The following RTN1 variants were observed in gnomAD, a reference collection of about 807,000 sequenced individuals.
The protein encoded by RTN1 is reticulon 1, also known as reticulon-1.
RTN1 carries 25 observed loss-of-function variants against 65.5 expected under a neutral mutation model. That is an observed-to-expected ratio of 0.38 (90% CI 0.28 to 0.53). The LOEUF (loss-of-function observed/expected upper bound fraction) is 0.53, where lower values mean the gene tolerates loss of function less well. RTN1 is among the 20% of genes least tolerant of loss of function. The pLI, the probability that RTN1 is intolerant of heterozygous loss-of-function variation, is 0.79. For synonymous variants in RTN1, 471 were observed against 447.6 expected, an observed-to-expected ratio of 1.05 and a Z score of -0.66; for missense variants, 983 against 1,025.4, an observed-to-expected ratio of 0.96 and a Z score of 0.57.
At chr14:59,603,388 T>A (rs1166453564) in intron 6 of RTN1, 130 bp from the exon 7 acceptor site, 1 of 685,028 alleles carries the variant, frequency 1.5e-6, no homozygotes, top group Admixed American at 3.3e-5. Context: ...TTTTATTTTT[T>A]ATTCCCTATT....
intron 1 of RTN1, among the ~76,000 whole-genome samples, chr14:59,853,104 T>G (rs1395627165): frequency 1.3e-5 from 2 of 152,180 alleles, no homozygotes. Context: ...GAAAGTTATT[T>G]CATTTCCCCA....
At chr14:59,746,602 G>A (rs1885233219) in intron 1 of RTN1, 121 bp from the exon 2 acceptor site, 2 of 793,972 alleles carry the variant, frequency 2.5e-6, no homozygotes, top group African/African-American at 3.4e-5. Flanking sequence ...TAAGCCCTCG[G>A]AGTTCCCTCG....
intron 1 of RTN1, among the ~76,000 whole-genome samples, chr14:59,795,345 T>C (rs1409402972): frequency 6.6e-6 from 1 of 152,200 alleles, no homozygotes; most frequent in African/African-American, 2.4e-5. Context: ...ACTAGATTAA[T>C]GTTAAATACT....
At chr14:59,689,092 T>G (rs1883904090) in intron 3 of RTN1, among the ~76,000 whole-genome samples, 1 of 151,988 alleles carries the variant, frequency 6.6e-6, no homozygotes, top group Middle Eastern at 3.2e-3. Context: ...CCAGGAAATG[T>G]AGGAAGAGAT....
chr14:59,651,335 T>C (rs538736811), intron 3 of RTN1, among the ~76,000 whole-genome samples: 27 of 152,288 alleles, frequency 1.8e-4, no homozygotes, highest in Non-Finnish European at 3.2e-4. Flanking sequence ...GCTAGCCATA[T>C]GCAGAAAACT....
intron 1 of RTN1, among the ~76,000 whole-genome samples, chr14:59,797,218 C>T (rs1957983): frequency 0.38 from 57,180 of 151,992 alleles, 11,215 homozygotes; most frequent in East Asian, 0.48. Flanking sequence ...ATCTTCGTCA[C>T]CACCACTGTA....
At chr14:59,729,975 G>A (rs1306287263) in intron 2 of RTN1, among the ~76,000 whole-genome samples, 1 of 152,190 alleles carries the variant, frequency 6.6e-6, no homozygotes, top group Admixed American at 6.5e-5. Flanking sequence ...CAAGAACGCT[G>A]TTCCTTCCTC....
At chr14:59,709,412 C>G (rs1204019854) in intron 3 of RTN1, among the ~76,000 whole-genome samples, 1 of 152,088 alleles carries the variant, frequency 6.6e-6, no homozygotes, top group East Asian at 1.9e-4. Context: ...AAGGGACAAC[C>G]TTACCTTGTC....
At chr14:59,616,342 A>G (rs1320650881) in intron 3 of RTN1, among the ~76,000 whole-genome samples, 1 of 152,170 alleles carries the variant, frequency 6.6e-6, no homozygotes, top group Non-Finnish European at 1.5e-5. Context: ...CTGCCTTAAA[A>G]TATTTTTATC....
intron 1 of RTN1, among the ~76,000 whole-genome samples, chr14:59,852,824 G>A (rs1403938559): frequency 6.6e-6 from 1 of 152,178 alleles, no homozygotes; most frequent in African/African-American, 2.4e-5. Flanking sequence ...TTTATGGAAT[G>A]CAGATCTTTT....
At chr14:59,647,577 G>T (rs377272300) in intron 3 of RTN1, among the ~76,000 whole-genome samples, 2 of 152,088 alleles carry the variant, frequency 1.3e-5, no homozygotes, top group African/African-American at 4.8e-5. Flanking sequence ...AAATGTAAAA[G>T]AACTGAAATC....
chr14:59,664,827 CG>C (rs1223558191), intron 3 of RTN1, among the ~76,000 whole-genome samples: 2 of 151,942 alleles, frequency 1.3e-5, no homozygotes, highest in East Asian at 3.9e-4. Flanking sequence ...TTTGTGCAAG[CG>C]TAAGTTTTTA....
intron 8 of RTN1, among the ~76,000 whole-genome samples, chr14:59,597,393 T>A (rs558057203): frequency 6.6e-6 from 1 of 152,356 alleles, no homozygotes; most frequent in African/African-American, 2.4e-5. Flanking sequence ...ACTAGATATC[T>A]CCAGGGTCCT....
At chr14:59,818,623 C>T (rs2139622639) in intron 1 of RTN1, among the ~76,000 whole-genome samples, 1 of 152,278 alleles carries the variant, frequency 6.6e-6, no homozygotes, top group South Asian at 2.1e-4. Flanking sequence ...TGATGATGAA[C>T]ATATGAGTCC....
intron 3 of RTN1, among the ~76,000 whole-genome samples, chr14:59,693,010 C>T (rs780429931): frequency 3.9e-5 from 6 of 152,018 alleles, no homozygotes; most frequent in East Asian, 1.9e-4. Context: ...CCCATCGTGA[C>T]GATATTAGGA....
At chr14:59,609,600 A>G (rs1350274837) in intron 3 of RTN1, among the ~76,000 whole-genome samples, 1 of 152,180 alleles carries the variant, frequency 6.6e-6, no homozygotes, top group Non-Finnish European at 1.5e-5. Context: ...TCCTGGGTTG[A>G]ATGGATTGGA....
chr14:59,862,233 T>C (rs945637325), intron 1 of RTN1, among the ~76,000 whole-genome samples: 5 of 152,204 alleles, frequency 3.3e-5, no homozygotes, highest in South Asian at 2.1e-4. Context: ...TAAAAGCCCC[T>C]AGGCAGAATC....
rs537794862 is a variant in RTN1 at position 59,596,496 on chromosome 14, T to C, written c.*249A>G. ...TTGGGCTCTCACCATCATGCACTTT[T>C]TTTAGCAACACAAAATTAAAAACCA... On this transcript the variant is annotated 3_prime_UTR_variant, in exon 9 of 9. Coordinates refer to ENST00000267484, the MANE Select transcript of RTN1 (RefSeq NM_021136.3). The C allele has an allele frequency of 1.3e-5, 4 of 307,512 alleles. No homozygotes were observed. The South Asian group carries it at 2.9e-4, about 22-fold the overall frequency. 19.0% of individuals were successfully genotyped at this position (307,512 alleles called of 1,614,324 possible).
rs186865979 is a variant in RTN1 at position 59,811,618 on chromosome 14, C to T, written c.241+58772G>A. ...CAGGGCTGCTTAAAGTTCTATATGCCTTGATGCAGCAAATATTGTTGGAAG... is the reference window on the plus strand; with the variant it reads ...CAGGGCTGCTTAAAGTTCTATATGCTTTGATGCAGCAAATATTGTTGGAAG... On this transcript the variant is annotated intron_variant, in intron 1 of 8. Transcript: ENST00000267484. Among the ~76,000 whole-genome samples the T allele has an allele frequency of 2.6e-5, 4 of 152,234 alleles. No homozygotes were observed. In the East Asian group the frequency reaches 7.7e-4, roughly 29 times the overall value.
Sources: gnomAD v4.1 joint callset for allele counts (sites outside exome capture counted in the v4.1 genomes callset) on GRCh38, gnomAD v4.1.1 for gene constraint, MANE v1.5 for transcripts, NCBI Gene and HGNC (gene_info 2026-07-23, HGNC 2026-07-21) for gene names.